Variants in NRXN1 observed in about 807,000 individuals in gnomAD.
NRXN1 encodes the protein neurexin-1.
Under a neutral mutation model 150.9 loss-of-function variants are expected in NRXN1, and 39 were observed. The ratio of observed to expected loss-of-function variants is 0.26; its 90% CI spans 0.20 to 0.34. The LOEUF is 0.34. NRXN1 is among the 10% of genes least tolerant of loss of function. The probability of loss-of-function intolerance (pLI) is 1.00; values close to 1 mark genes in which losing one functional copy is unlikely to be tolerated. For missense variants in NRXN1, 1,815 were observed against 1,949.9 expected, an observed-to-expected ratio of 0.93 and a Z score of 1.30; for synonymous variants, 924 against 757.0, an observed-to-expected ratio of 1.22 and a Z score of -3.62.
chr2:50,706,613 G>C (rs1574179269), intron 5 of NRXN1, among the ~76,000 whole-genome samples: 1 of 152,164 alleles, frequency 6.6e-6, no homozygotes, highest in Non-Finnish European at 1.5e-5. Flanking sequence ...GTTTATAAAA[G>C]CTGAAAACAC....
chr2:50,942,068 T>G (rs984172605), intron 2 of NRXN1, among the ~76,000 whole-genome samples: 1 of 152,138 alleles, frequency 6.6e-6, no homozygotes, highest in African/African-American at 2.4e-5. Context: ...CCAGTTCCAG[T>G]CATGGCTAAA....
chr2:51,003,882 AT>A (rs1422492804), intron 2 of NRXN1, among the ~76,000 whole-genome samples: 1 of 151,914 alleles, frequency 6.6e-6, no homozygotes, highest in East Asian at 2.0e-4. Flanking sequence ...GCTGATACTG[AT>A]TATTTTCTAC....
At chr2:49,972,208 T>C (rs1282257295) in intron 21 of NRXN1, among the ~76,000 whole-genome samples, 2 of 152,166 alleles carry the variant, frequency 1.3e-5, no homozygotes, top group African/African-American at 2.4e-5. Flanking sequence ...CCTTCAGTCC[T>C]ATGACTTTTC....
At chr2:50,844,859 A>T (rs1559342867) in intron 5 of NRXN1, among the ~76,000 whole-genome samples, 1 of 148,824 alleles carries the variant, frequency 6.7e-6, no homozygotes, top group Non-Finnish European at 1.5e-5. Context: ...TCAGCTAATC[A>T]TTTTTTTTTT....
chr2:50,651,326 T>TGTTAGA (rs1685577938), intron 5 of NRXN1, among the ~76,000 whole-genome samples: 1 of 151,944 alleles, frequency 6.6e-6, no homozygotes, highest in South Asian at 2.1e-4. Context: ...CTATAAAGAA[T>TGTTAGA]GTTAGACTGG....
intron 18 of NRXN1, among the ~76,000 whole-genome samples, chr2:50,170,292 G>A (rs1415246396): frequency 6.7e-6 from 1 of 150,088 alleles, no homozygotes; most frequent in African/African-American, 2.4e-5. Context: ...ATTTTGTTTT[G>A]TTTTGTTTTG....
At chr2:50,698,667 G>A (rs985247722) in intron 5 of NRXN1, among the ~76,000 whole-genome samples, 2 of 151,868 alleles carry the variant, frequency 1.3e-5, no homozygotes, top group South Asian at 4.2e-4. Context: ...AAGTAAAAAG[G>A]GATCTTGAAT....
intron 18 of NRXN1, among the ~76,000 whole-genome samples, chr2:50,098,745 G>T (rs1280923112): frequency 6.6e-6 from 1 of 150,584 alleles, no homozygotes; most frequent in Non-Finnish European, 1.5e-5. Flanking sequence ...AGTGTTCCAG[G>T]AAAATGTCTT....
At chr2:50,946,400 A>G (rs1356958288) in intron 2 of NRXN1, among the ~76,000 whole-genome samples, 3 of 152,210 alleles carry the variant, frequency 2.0e-5, no homozygotes, top group Non-Finnish European at 2.9e-5. Context: ...CCTTTGTCCA[A>G]TTTCCCAAAT....
At chr2:50,209,008 T>C (rs2062819820) in intron 18 of NRXN1, among the ~76,000 whole-genome samples, 1 of 152,082 alleles carries the variant, frequency 6.6e-6, no homozygotes, top group Non-Finnish European at 1.5e-5. Context: ...TTCTTCATTC[T>C]CAACTCTTTG....
chr2:50,456,694 C>A (rs909565375), intron 17 of NRXN1, among the ~76,000 whole-genome samples: 1 of 151,978 alleles, frequency 6.6e-6, no homozygotes, highest in Non-Finnish European at 1.5e-5. Context: ...TTTCCCCAGG[C>A]TTTTTTTCCC....
chr2:50,494,373 A>G (rs6706713), intron 15 of NRXN1, among the ~76,000 whole-genome samples: 81,009 of 152,002 alleles, frequency 0.53, 22,047 homozygotes, highest in African/African-American at 0.63. Flanking sequence ...GGATTTTACA[A>G]TCTCTCCCTT....
intron 17 of NRXN1, among the ~76,000 whole-genome samples, chr2:50,463,242 C>T (rs1412387101): frequency 6.6e-6 from 1 of 151,758 alleles, no homozygotes; most frequent in Non-Finnish European, 1.5e-5. Context: ...GTGTTGCATG[C>T]TATTTCTATT....
chr2:50,103,464 G>A (rs148370946), intron 18 of NRXN1, among the ~76,000 whole-genome samples: 210 of 152,132 alleles, frequency 1.4e-3, no homozygotes, highest in Non-Finnish European at 2.1e-3. Context: ...AAGAGCAGAT[G>A]AACAGGGTTT....
intron 5 of NRXN1, among the ~76,000 whole-genome samples, chr2:50,730,667 G>GTTT (rs1248022933): frequency 6.5e-5 from 7 of 107,086 alleles, no homozygotes; most frequent in Non-Finnish European, 9.5e-5. Flanking sequence ...TATCTTTCTT[G>GTTT]TTTTCTTTTT....
intron 21 of NRXN1, among the ~76,000 whole-genome samples, chr2:50,045,073 G>C (rs1691601243): frequency 6.6e-6 from 1 of 152,094 alleles, no homozygotes; most frequent in Non-Finnish European, 1.5e-5. Context: ...AATAAAGGCA[G>C]AGAAATTACC....
chr2:49,981,136 T>G (rs57193820), intron 21 of NRXN1, among the ~76,000 whole-genome samples: 2 of 151,818 alleles, frequency 1.3e-5, no homozygotes, highest in African/African-American at 2.4e-5. Context: ...TTAAATTTTC[T>G]GAGCTTTTTG....
At position 50,239,662 on chromosome 2, in the gene NRXN1, GTATATATATATATATATATATATATATA is replaced by G. The variant is rs59505952; in HGVS notation, c.3365-2720_3365-2693del. The stretch of plus-strand genomic sequence containing the variant: ...AACCCATATCCTGATACCTATTCCA[GTATATATATATATATATATATATATATA>G]TATATATATATATATATATATATAT... On this transcript the variant is annotated intron_variant, in intron 17 of 22. Coordinates refer to ENST00000401669, the MANE Select transcript of NRXN1 (RefSeq NM_001330078.2). Among the ~76,000 whole-genome samples, 127 of 47,286 alleles carry G rather than the reference GTATATATATATATATATATATATATATA, an allele frequency of 2.7e-3. 6 individuals carry two copies. Among genetic ancestry groups the G allele is most frequent in the East Asian group, 9.8e-3 (9 of 916 alleles). 31.0% of individuals were successfully genotyped at this position (47,286 alleles called of 152,430 possible).
intron 17 of NRXN1, among the ~76,000 whole-genome samples, chr2:50,272,245 T>A (rs933492777): frequency 7.2e-5 from 11 of 152,212 alleles, no homozygotes; most frequent in African/African-American, 2.4e-4. Context: ...AAGTACATTC[T>A]ATCACCACAG....
Sources: gnomAD v4.1 joint callset for allele counts (sites outside exome capture counted in the v4.1 genomes callset) on GRCh38, gnomAD v4.1.1 for gene constraint, MANE v1.5 for transcripts, NCBI Gene and HGNC (gene_info 2026-07-23, HGNC 2026-07-21) for gene names.